Variants in CPS1 observed in about 807,000 individuals in gnomAD.
CPS1 encodes the protein carbamoyl-phosphate synthase [ammonia], mitochondrial.
A neutral mutation model predicts 174.6 loss-of-function variants in CPS1; 109 were observed. The observed-to-expected ratio is 0.62, with a 90% CI of 0.53 to 0.73. CPS1 has a LOEUF of 0.73. Ranked by LOEUF, CPS1 falls within the 30% of genes least tolerant of loss-of-function variation. The pLI is 0.00. For synonymous variants in CPS1, 637 were observed against 632.0 expected (o/e 1.01, Z -0.12); for missense variants, 1,689 against 1,821.9 (o/e 0.93, Z 1.33).
chr2:210,578,818 C>G (rs1262423977), intron 4 of CPS1, among the ~76,000 whole-genome samples: 3 of 152,146 alleles, frequency 2.0e-5, no homozygotes, highest in African/African-American at 4.8e-5. Context: ...TTCTCTCCCC[C>G]CAGCCCCCAA....
Position 210,590,891 on chromosome 2 carries a change from T to A in CPS1, c.932T>A (p.Met311Lys), listed in dbSNP as rs1206598807. ...GCTGCTGGTGCCAAAACCTACAAGA[T>A]GTCCATGGCCAACAGGTGAGGTATT... ...GLAAGAKTYK[M>K]SMANRGQNQP... The change falls in exon 9 of 38, where the codon ATG becomes AAG. Residue 311 changes from methionine to lysine, a missense_variant. By Grantham distance (95) the Met-to-Lys change is moderately conservative. Coordinates refer to ENST00000233072, the MANE Select transcript of CPS1 (RefSeq NM_001875.5). The A allele has an allele frequency of 1.9e-6, 3 of 1,611,264 alleles. No homozygotes were observed. The highest frequency in any genetic ancestry group is 2.5e-6 in the Non-Finnish European group (3 of 1,178,172).
chr2:210,492,038 G>A (rs927065829), intron 1 of CPS1, among the ~76,000 whole-genome samples: 8 of 152,162 alleles, frequency 5.3e-5, no homozygotes, highest in African/African-American at 1.2e-4. Flanking sequence ...GGCAGAAGCC[G>A]ACAAAGTTGA....
At chr2:210,590,712 G>GA in intron 8 of CPS1, 88 bp from the exon 9 acceptor site, 1 of 989,016 alleles carries the variant, frequency 1.0e-6, no homozygotes, top group Non-Finnish European at 1.6e-6. Context: ...ACCTTCTTAA[G>GA]AAAAAAGGAT....
intron 1 of CPS1, among the ~76,000 whole-genome samples, chr2:210,517,528 G>A (rs753806991): frequency 1.8e-4 from 28 of 151,938 alleles, no homozygotes; most frequent in Admixed American, 2.6e-4. Context: ...ACCTTGAATC[G>A]AGGGAAATCA....
chr2:210,666,645 G>A (rs1409236459), intron 33 of CPS1, among the ~76,000 whole-genome samples: 14 of 152,024 alleles, frequency 9.2e-5, no homozygotes, highest in Admixed American at 2.0e-4. Context: ...GTAGATATGC[G>A]GCGTTATTTC....
chr2:210,564,667 C>T (rs1027029264), intron 1 of CPS1, among the ~76,000 whole-genome samples: 3 of 151,964 alleles, frequency 2.0e-5, no homozygotes, highest in Admixed American at 6.6e-5. Flanking sequence ...TGAGCCACCG[C>T]GCCCGGCCTA....
Position 210,677,011 on chromosome 2 carries a change from A to C in CPS1, c.4279A>C (p.Ile1427Leu). ...AGTTTTTGTTTATTTTTCCAGATTG[A>C]TTAGAGATGGCAGCATTGACCTAGT... The part of the protein sequence containing the change: ...NPSLSSIRKL[I>L]RDGSIDLVIN... The change falls in exon 37 of 38, where the codon ATT (isoleucine) becomes CTT (leucine). Residue 1427 changes from isoleucine (I) to leucine (L), a missense_variant. Physicochemically the swap from Ile to Leu is conservative, Grantham distance 5 (BLOSUM62 2). Transcript: ENST00000233072. 6.2e-7 allele frequency: 1 copy of C among 1,613,522 alleles called. No homozygotes were observed. The highest frequency in any genetic ancestry group is 8.5e-7 in the Non-Finnish European group (1 of 1,179,512).
intron 34 of CPS1, 49 bp downstream of exon 34, chr2:210,668,333 G>A (rs1273824777): frequency 8.0e-7 from 1 of 1,254,490 alleles, no homozygotes; most frequent in Non-Finnish European, 1.2e-6. Context: ...CATGGTGAGT[G>A]GGGAGGGGCA....
intron 1 of CPS1, among the ~76,000 whole-genome samples, chr2:210,505,288 A>C (rs1574474309): frequency 6.6e-6 from 1 of 151,796 alleles, no homozygotes; most frequent in Non-Finnish European, 1.5e-5. Flanking sequence ...AGTAGTGGCC[A>C]AAACTGCAAT....
At chr2:210,625,436 G>A (rs886412375) in intron 21 of CPS1, among the ~76,000 whole-genome samples, 8 of 152,028 alleles carry the variant, frequency 5.3e-5, no homozygotes, top group African/African-American at 1.9e-4. Flanking sequence ...CTTTACACAT[G>A]TTATCTCATA....
intron 1 of CPS1, among the ~76,000 whole-genome samples, chr2:210,519,200 A>C (rs191536261): frequency 1.7e-3 from 258 of 152,180 alleles, no homozygotes; most frequent in Non-Finnish European, 3.1e-3. Flanking sequence ...TTGCTATTTA[A>C]TACTTTAATT....
chr2:210,573,440 C>T (rs1292397885), intron 2 of CPS1, 33 bp downstream of exon 2: 1 of 1,474,082 alleles, frequency 6.8e-7, no homozygotes, highest in East Asian at 2.3e-5. Flanking sequence ...TTTATTTTTC[C>T]TCTAGTAGAG....
Position 210,678,544 on chromosome 2 carries a change from A to G in CPS1, c.*559A>G, listed in dbSNP as rs1160504308. On this transcript the variant is annotated 3_prime_UTR_variant, in exon 38 of 38. Transcript: ENST00000233072. ...TTGTTATCCCTTCCCATTATATTGAAGTTGAGAAATGTGACAGAGGCATTT... is the reference window on the plus strand; with the variant it reads ...TTGTTATCCCTTCCCATTATATTGAGGTTGAGAAATGTGACAGAGGCATTT... 1 of 159,102 alleles carries G rather than the reference A, an allele frequency of 6.3e-6. No homozygotes were observed. The highest frequency in any genetic ancestry group is 1.4e-5 in the Non-Finnish European group (1 of 72,638). The allele number at this position is 159,102 out of a possible 1,614,324, so 9.9% of individuals were successfully genotyped here.
chr2:210,509,856 C>T (rs1378999122), intron 1 of CPS1, among the ~76,000 whole-genome samples: 1 of 152,132 alleles, frequency 6.6e-6, no homozygotes, highest in East Asian at 1.9e-4. Flanking sequence ...CTACAAACCA[C>T]TGCTCAATGA....
At position 210,660,657 on chromosome 2, in the gene CPS1, T is replaced by C. The variant is rs113036168; in HGVS notation, c.3927+2T>C. ...CCTGCTGACTATGTTGCAATTAAGG[T>C]AACATTTTCAAAAATTTATTAGTCA... On this transcript the variant is annotated splice_donor_variant, in intron 32 of 37. Transcript: ENST00000233072. LOFTEE classifies it high-confidence loss of function. 1 of 1,613,450 alleles carries C rather than the reference T, an allele frequency of 6.2e-7. No individual in the cohort carries two copies. The highest frequency in any genetic ancestry group is 8.5e-7 in the Non-Finnish European group (1 of 1,179,384).
intron 1 of CPS1, among the ~76,000 whole-genome samples, chr2:210,497,889 C>CATGCATATATATATAT: frequency 1.6e-5 from 1 of 63,066 alleles, no homozygotes; most frequent in Non-Finnish European, 3.6e-5. Context: ...ACAATATATA[C>CATGCATATATATATAT]ATACATATAT....
intron 20 of CPS1, among the ~76,000 whole-genome samples, chr2:210,612,794 A>G (rs1477666502): frequency 6.6e-6 from 1 of 151,962 alleles, no homozygotes; most frequent in Non-Finnish European, 1.5e-5. Flanking sequence ...GGCCCACATG[A>G]TTATAGGGTT....
At chr2:210,500,592 G>T (rs1374204330) in intron 1 of CPS1, among the ~76,000 whole-genome samples, 1 of 152,184 alleles carries the variant, frequency 6.6e-6, no homozygotes, top group Non-Finnish European at 1.5e-5. Context: ...GCTCCAAAAT[G>T]ATCTCCTTTG....
chr2:210,506,284 G>C (rs977952431), intron 1 of CPS1, among the ~76,000 whole-genome samples: 1 of 152,092 alleles, frequency 6.6e-6, no homozygotes, highest in African/African-American at 2.4e-5. Flanking sequence ...GGTCAGGAGT[G>C]GACCTCCAGC....
Sources: gnomAD v4.1 joint callset for allele counts (sites outside exome capture counted in the v4.1 genomes callset) on GRCh38, gnomAD v4.1.1 for gene constraint, MANE v1.5 for transcripts, NCBI Gene and HGNC (gene_info 2026-07-23, HGNC 2026-07-21) for gene names.